Variants in PLCB1 observed in about 807,000 individuals in gnomAD.
The protein encoded by PLCB1 is 1-phosphatidylinositol 4,5-bisphosphate phosphodiesterase beta-1.
PLCB1 carries 46 observed loss-of-function variants against 161.8 expected under a neutral mutation model. The ratio of observed to expected loss-of-function variants is 0.28; its 90% confidence interval spans 0.22 to 0.36. PLCB1 has a LOEUF of 0.36. Ranked by LOEUF, PLCB1 falls within the 10% of genes least tolerant of loss-of-function variation. PLCB1 has a pLI of 1.00. For missense variants in PLCB1, 1,016 were observed against 1,472.5 expected (o/e 0.69, Z 5.07); for synonymous variants, 517 against 503.7 (o/e 1.03, Z -0.35).
chr20:8,671,978 T>C (rs1189353535), intron 9 of PLCB1, among the ~76,000 whole-genome samples: 3 of 152,220 alleles, frequency 2.0e-5, no homozygotes, highest in African/African-American at 7.2e-5. Context: ...TGGCATGTGG[T>C]CAATGCTCAG....
chr20:8,856,019 C>T (rs1468193995), intron 31 of PLCB1, among the ~76,000 whole-genome samples: 2 of 152,128 alleles, frequency 1.3e-5, no homozygotes, highest in Admixed American at 6.6e-5. Flanking sequence ...ATATAATACA[C>T]ACCCATATAC....
At chr20:8,371,526 C>A in intron 3 of PLCB1, 76 bp downstream of exon 3, 2 of 1,006,180 alleles carry the variant, frequency 2.0e-6, no homozygotes, top group Non-Finnish European at 3.1e-6. Flanking sequence ...AATTAATTGC[C>A]CCAATTAAAA....
intron 9 of PLCB1, among the ~76,000 whole-genome samples, chr20:8,683,457 ATGT>A (rs1004805783): frequency 6.6e-6 from 1 of 152,118 alleles, no homozygotes; most frequent in Non-Finnish European, 1.5e-5. Flanking sequence ...ACCCGCAAAT[ATGT>A]TGTTTGAAGC....
At chr20:8,716,164 A>G in intron 12 of PLCB1, 100 bp from the exon 13 acceptor site, 1 of 818,886 alleles carries the variant, frequency 1.2e-6, no homozygotes, top group Middle Eastern at 2.3e-4. Context: ...GTGGGATTAG[A>G]GAATTACTTC....
chr20:8,273,104 C>T (rs118090934), intron 2 of PLCB1, among the ~76,000 whole-genome samples: 3 of 152,234 alleles, frequency 2.0e-5, no homozygotes, highest in Non-Finnish European at 4.4e-5. Flanking sequence ...CAATAATGAA[C>T]AACAAAGATT....
intron 3 of PLCB1, among the ~76,000 whole-genome samples, chr20:8,461,727 G>C (rs895703740): frequency 3.3e-5 from 5 of 152,204 alleles, no homozygotes; most frequent in East Asian, 3.9e-4. Context: ...AAGTAGTTTC[G>C]ACGGTCAAGG....
intron 3 of PLCB1, among the ~76,000 whole-genome samples, chr20:8,453,301 G>T (rs1173072004): frequency 6.6e-6 from 1 of 152,240 alleles, no homozygotes; most frequent in Admixed American, 6.5e-5. Flanking sequence ...CAGAACTGTT[G>T]TGAAGGATAG....
intron 3 of PLCB1, among the ~76,000 whole-genome samples, chr20:8,548,473 CATCT>C (rs145472348): frequency 0.03 from 4,300 of 144,846 alleles, 202 homozygotes; most frequent in African/African-American, 0.1. Context: ...TTCTTTCCAT[CATCT>C]ATCTTTCTAT....
At chr20:8,878,596 A>G (rs1178807198) in intron 31 of PLCB1, among the ~76,000 whole-genome samples, 1 of 152,196 alleles carries the variant, frequency 6.6e-6, no homozygotes, top group East Asian at 1.9e-4. Context: ...CTCGGCTTAT[A>G]AGAATTTATA....
At chr20:8,253,013 C>T (rs1429620543) in intron 2 of PLCB1, among the ~76,000 whole-genome samples, 2 of 151,876 alleles carry the variant, frequency 1.3e-5, no homozygotes, top group East Asian at 3.9e-4. Flanking sequence ...TGAAGTATTC[C>T]AGTTTGGATT....
intron 3 of PLCB1, among the ~76,000 whole-genome samples, chr20:8,576,276 G>GGACTGT (rs1986671723): frequency 6.6e-6 from 1 of 152,060 alleles, no homozygotes. Flanking sequence ...AGGAGTTTGG[G>GGACTGT]GACTGTGCTA....
intron 2 of PLCB1, among the ~76,000 whole-genome samples, chr20:8,330,201 T>C (rs543769179): frequency 6.8e-4 from 103 of 152,342 alleles, no homozygotes; most frequent in Admixed American, 2.4e-3. Context: ...TGCCGGGCCT[T>C]GTTCTTAGTA....
chr20:8,881,560 T>G, intron 31 of PLCB1, 62 bp from the exon 32 acceptor site: 2 of 1,202,862 alleles, frequency 1.7e-6, no homozygotes, highest in South Asian at 2.5e-5. Flanking sequence ...AGAGAGTTTC[T>G]ATGGGAGTGG....
intron 3 of PLCB1, among the ~76,000 whole-genome samples, chr20:8,419,356 A>G (rs1431672729): frequency 1.3e-5 from 2 of 152,212 alleles, no homozygotes; most frequent in East Asian, 3.8e-4. Context: ...GGACAGACCA[A>G]TAAACAGCAT....
chr20:8,655,810 C>T (rs1989442257), intron 7 of PLCB1, among the ~76,000 whole-genome samples: 1 of 151,968 alleles, frequency 6.6e-6, no homozygotes, highest in Non-Finnish European at 1.5e-5. Flanking sequence ...ATTTCTCTTC[C>T]TTGTGTCTAA....
In PLCB1 at chr20:8,288,669, C is replaced by T. The variant is rs6140588; in HGVS notation, c.178-82713C>T. 3.2e-3 allele frequency among the ~76,000 whole-genome samples: 494 copies of T among 152,162 alleles called. 13 individuals carry two copies. The South Asian group carries it at 0.049, about 15-fold the overall frequency. ...CAGCCAACAACAGTCCTTCAGAGAACGGTAGAGGTGCCAGCTGTTAGCAGC... is the reference window on the plus strand; with the variant it reads ...CAGCCAACAACAGTCCTTCAGAGAATGGTAGAGGTGCCAGCTGTTAGCAGC... On this transcript the variant is annotated intron_variant, in intron 2 of 31. Coordinates refer to ENST00000338037, the MANE Select transcript of PLCB1 (RefSeq NM_015192.4).
chr20:8,332,830 A>G (rs1344848772), intron 2 of PLCB1, among the ~76,000 whole-genome samples: 1 of 152,226 alleles, frequency 6.6e-6, no homozygotes, highest in African/African-American at 2.4e-5. Context: ...TGCAAACTTT[A>G]CCATGTATAA....
intron 3 of PLCB1, among the ~76,000 whole-genome samples, chr20:8,411,646 T>C (rs1292024970): frequency 6.6e-6 from 1 of 152,194 alleles, no homozygotes. Flanking sequence ...TTGGGGTCTA[T>C]ACAGAGACCC....
At chr20:8,802,066 C>T (rs780577900) in intron 31 of PLCB1, 3 of 1,600,846 alleles carry the variant, frequency 1.9e-6, no homozygotes, top group Non-Finnish European at 8.6e-7. Context: ...GGGGAAGGTT[C>T]CTCCTCATTC....
Sources: allele counts gnomAD v4.1 joint callset (sites outside exome capture counted in the v4.1 genomes callset), GRCh38; gene constraint gnomAD v4.1.1; transcripts MANE v1.5; gene names NCBI Gene and HGNC (gene_info 2026-07-23, HGNC 2026-07-21).